CACNA1I: variants seen among roughly 807,000 people sequenced by gnomAD.
The protein encoded by CACNA1I is calcium voltage-gated channel subunit alpha1 I.
A neutral mutation model predicts 201.6 loss-of-function variants in CACNA1I; 74 were observed. The observed-to-expected ratio is 0.37, with a 90% CI of 0.30 to 0.45. The LOEUF is 0.45. CACNA1I is among the 20% of genes least tolerant of loss of function. The probability of loss-of-function intolerance (pLI) is 1.00; values close to 1 mark genes in which losing one functional copy is unlikely to be tolerated. For synonymous variants in CACNA1I, 1,431 were observed against 1,345.2 expected, an observed-to-expected ratio of 1.06 and a Z score of -1.40; for missense variants, 2,346 against 3,138.1, an observed-to-expected ratio of 0.75 and a Z score of 6.03.
chr22:39,576,415 G>A (rs973156408), intron 1 of CACNA1I, among the ~76,000 whole-genome samples: 5 of 152,254 alleles, frequency 3.3e-5, no homozygotes, highest in Admixed American at 6.5e-5. Flanking sequence ...CAGCCAGGCT[G>A]TGGCGGAGCT....
chr22:39,681,354 G>C (rs566675735), intron 34 of CACNA1I, among the ~76,000 whole-genome samples: 2 of 152,216 alleles, frequency 1.3e-5, no homozygotes, highest in Non-Finnish European at 2.9e-5. Flanking sequence ...CTGGCCGGCG[G>C]GGCTGTGAGG....
intron 3 of CACNA1I, among the ~76,000 whole-genome samples, chr22:39,604,265 G>A (rs1933146818): frequency 6.6e-6 from 1 of 152,114 alleles, no homozygotes; most frequent in Non-Finnish European, 1.5e-5. Context: ...AAGACGATGA[G>A]GCTCTAAGCT....
At chr22:39,641,735 C>T (rs976799882) in intron 6 of CACNA1I, among the ~76,000 whole-genome samples, 1 of 152,242 alleles carries the variant, frequency 6.6e-6, no homozygotes, top group Non-Finnish European at 1.5e-5. Context: ...GTGCAAAGGG[C>T]TTGTTGCGTG....
In CACNA1I at chr22:39,634,620, C is replaced by T. The variant is rs1409570866; in HGVS notation, c.636C>T (p.Val212=). 1.2e-6 allele frequency: 2 copies of T among 1,613,844 alleles called. No homozygotes were observed. Among genetic ancestry groups the T allele is most frequent in the South Asian group, 1.1e-5 (1 of 91,078 alleles). Residue 212 remains valine, a synonymous_variant, in exon 5 of 37, where the codon GTC becomes GTT. Transcript: ENST00000402142. ...ACACACTGCCCATGCTGGGGAATGT[C>T]CTGCTGCTCTGCTTCTTTGTCTTCT... ...LLDTLPMLGN[V]LLLCFFVFFI...
Position 39,649,498 on chromosome 22 carries a change from C to T in CACNA1I, c.1568-3C>T. 6.4e-7 allele frequency: 1 copy of T among 1,561,474 alleles called. No individual in the cohort carries two copies. The highest frequency in any genetic ancestry group is 8.7e-7 in the Non-Finnish European group (1 of 1,153,522). On this transcript the variant is annotated splice_polypyrimidine_tract_variant and splice_region_variant and intron_variant, in intron 9 of 36. Coordinates refer to ENST00000402142, the MANE Select transcript of CACNA1I (RefSeq NM_021096.4). This position sits in a 1 kb window ranked among gnomAD's most constrained non-coding sequence, Gnocchi z 7.3. Reference sequence around the variant, plus strand: ...CTCTATGCCCCTCTCATTTGCTTTTCAGAGCTGTGCCCGCAACATAGCCCC... The same window carrying T: ...CTCTATGCCCCTCTCATTTGCTTTTTAGAGCTGTGCCCGCAACATAGCCCC...
chr22:39,665,022 ACTCGGTC>A lies in CACNA1I; in HGVS notation c.3851+103_3851+109del. The A allele has an allele frequency of 9.2e-7, 1 of 1,084,782 alleles. No homozygotes were observed. Among genetic ancestry groups the A allele is most frequent in the Non-Finnish European group, 1.3e-6 (1 of 762,850 alleles). 67.2% of individuals were successfully genotyped at this position (1,084,782 alleles called of 1,614,324 possible). A position where few individuals can be genotyped will look rare whatever the true frequency, so the allele number is the denominator to read the frequency against. On this transcript the variant is annotated intron_variant, in intron 21 of 36. Coordinates refer to ENST00000402142, the MANE Select transcript of CACNA1I (RefSeq NM_021096.4). The surrounding 1 kb of genome is among the most constrained non-coding windows in gnomAD (Gnocchi z 5.5). ...CTCACTCCGCCCTCCCCGCCCGCCC[ACTCGGTC>A]CTCCAATAGTGAGTGCCAAACACCC...
At chr22:39,651,839 G>A (rs1167372241) in intron 10 of CACNA1I, among the ~76,000 whole-genome samples, 2 of 152,160 alleles carry the variant, frequency 1.3e-5, no homozygotes. Context: ...TCCACATCAG[G>A]GCTGTTTGCA....
In CACNA1I at chr22:39,585,089, C is replaced by T. The variant is rs188236474; in HGVS notation, c.237-13062C>T. Among the ~76,000 whole-genome samples the T allele has an allele frequency of 5.9e-4, 90 of 152,290 alleles. 1 individual carries two copies. Among genetic ancestry groups the T allele is most frequent in the African/African-American group, 2.0e-3 (82 of 41,560 alleles). ...TTTATTTCTTTTTGAGATAGAGTTT[C>T]GCTTTTGTTGCTCAGGCTGGAGCGC... On this transcript the variant is annotated intron_variant, in intron 1 of 36. Coordinates refer to ENST00000402142, the MANE Select transcript of CACNA1I (RefSeq NM_021096.4).
intron 1 of CACNA1I, among the ~76,000 whole-genome samples, chr22:39,596,029 A>T (rs1303913906): frequency 6.7e-6 from 1 of 148,354 alleles, no homozygotes; most frequent in African/African-American, 2.5e-5. Flanking sequence ...TGAAGTGGGA[A>T]CAGCACATGC....
rs1424488386 is a variant in CACNA1I at position 39,659,907 on chromosome 22, C to G, written c.2604+55C>G. On this transcript the variant is annotated intron_variant, in intron 14 of 36. Coordinates refer to ENST00000402142, the MANE Select transcript of CACNA1I (RefSeq NM_021096.4). The surrounding 1 kb of genome is among the most constrained non-coding windows in gnomAD (Gnocchi z 4.3). ...CCCACAGGGTCTGCGAAAGACTGGG[C>G]GAGGGAGAGGTGGCCTGGATGGGGG... The G allele has an allele frequency of 3.7e-6, 6 of 1,603,274 alleles. No individual in the cohort carries two copies. In the East Asian group the frequency reaches 6.7e-5, roughly 18 times the overall value.
chr22:39,659,934 G>C lies in CACNA1I; in HGVS notation c.2604+82G>C. The C allele has an allele frequency of 1.3e-6, 2 of 1,536,362 alleles. No homozygotes were observed. On this transcript the variant is annotated intron_variant, in intron 14 of 36. Transcript: ENST00000402142. This position sits in a 1 kb window ranked among gnomAD's most constrained non-coding sequence, Gnocchi z 4.3. ...AGGGAGAGGTGGCCTGGATGGGGGA[G>C]GGCTGCAATTCAAACTTCTAGCAGG...
chr22:39,627,001 C>T (rs1313209193), intron 4 of CACNA1I, among the ~76,000 whole-genome samples: 3 of 152,202 alleles, frequency 2.0e-5, no homozygotes, highest in Non-Finnish European at 2.9e-5. Context: ...CTAGTCTGCC[C>T]AAGACCACAC....
In CACNA1I at chr22:39,629,113, G is replaced by T. The variant is rs953175759; in HGVS notation, c.581-5452G>T. Among the ~76,000 whole-genome samples the T allele has an allele frequency of 1.3e-5, 2 of 152,122 alleles. No individual in the cohort carries two copies. The highest frequency in any genetic ancestry group is 2.9e-5 in the Non-Finnish European group (2 of 68,018). ...GCTCTAGCCTAGGGGTCCCCAAAAA[G>T]GGTGAGCAGCTCCATCCACTTGCCC... On this transcript the variant is annotated intron_variant, in intron 4 of 36. Transcript: ENST00000402142. The surrounding 1 kb of genome is among the most constrained non-coding windows in gnomAD (Gnocchi z 4.8).
chr22:39,597,654 A>G (rs1932921548), intron 1 of CACNA1I, among the ~76,000 whole-genome samples: 1 of 152,250 alleles, frequency 6.6e-6, no homozygotes, highest in African/African-American at 2.4e-5. Context: ...GCAGTGGGCA[A>G]GGAGAGAAGG....
chr22:39,581,320 C>T (rs368055481), intron 1 of CACNA1I, among the ~76,000 whole-genome samples: 1 of 152,180 alleles, frequency 6.6e-6, no homozygotes, highest in East Asian at 1.9e-4. Context: ...TTGCTAATAG[C>T]CTGGTGTGTG....
chr22:39,649,330 CAG>C lies in CACNA1I; in HGVS notation c.1568-166_1568-165del, dbSNP rs1934581018. Among the ~76,000 whole-genome samples, 1 of 152,238 alleles carries C rather than the reference CAG, an allele frequency of 6.6e-6. No homozygotes were observed. The highest frequency in any genetic ancestry group is 2.4e-5 in the African/African-American group (1 of 41,464). The stretch of plus-strand genomic sequence containing the variant: ...TTCTACAACAGGGGCAGACAAAGCT[CAG>C]AGAGCTGCAGCCGCTTCCCCAGGCA... On this transcript the variant is annotated intron_variant, in intron 9 of 36. Transcript: ENST00000402142. This position sits in a 1 kb window ranked among gnomAD's most constrained non-coding sequence, Gnocchi z 7.3.
rs1935891486 is a variant in CACNA1I, at chr22:39,686,627, C to CATATATATATATATATATATATGCATAT, written c.*244_*245insGCATATATATATATATATATATATATAT. 1 of 127,090 alleles carries CATATATATATATATATATATATGCATAT rather than the reference C, an allele frequency of 7.9e-6. No individual in the cohort carries two copies. The highest frequency in any genetic ancestry group is 1.7e-5 in the Non-Finnish European group (1 of 59,054). 7.9% of individuals were successfully genotyped at this position (127,090 alleles called of 1,614,324 possible). On this transcript the variant is annotated 3_prime_UTR_variant, in exon 37 of 37. Transcript: ENST00000402142. ...ATACATACATATATATATATATATG[C>CATATATATATATATATATATATGCATAT]ATATATATATATATATATATATATA... is the stretch of plus-strand genomic sequence containing the variant.
chr22:39,634,060 C>T (rs1934138792), intron 4 of CACNA1I, among the ~76,000 whole-genome samples: 1 of 152,206 alleles, frequency 6.6e-6, no homozygotes, highest in Admixed American at 6.5e-5. Context: ...AGCCTCAGTC[C>T]CAAGGCCTCT....
chr22:39,615,788 C>A (rs904851018), intron 3 of CACNA1I, among the ~76,000 whole-genome samples: 18 of 152,178 alleles, frequency 1.2e-4, no homozygotes, highest in Non-Finnish European at 2.4e-4. Context: ...CCGCAGAATA[C>A]CCGCAAATGG....
Sources: gnomAD v4.1 joint callset for allele counts (sites outside exome capture counted in the v4.1 genomes callset) on GRCh38, gnomAD v4.1.1 for gene constraint, Gnocchi (gnomAD v3.1) non-coding constraint, MANE v1.5 for transcripts, NCBI Gene and HGNC (gene_info 2026-07-23, HGNC 2026-07-21) for gene names.